SDK1: variants seen among roughly 807,000 people sequenced by gnomAD.
The protein encoded by SDK1 is sidekick cell adhesion molecule 1.
In SDK1, 157 loss-of-function variants were observed where a neutral mutation model predicts 245.5. The observed-to-expected ratio is 0.64, with a 90% CI of 0.56 to 0.73. The LOEUF (loss-of-function observed/expected upper bound fraction) is 0.73. SDK1 is among the 30% of genes least tolerant of loss of function. SDK1 has a pLI of 0.00. For synonymous variants in SDK1, 1,647 were observed against 1,278.5 expected, an observed-to-expected ratio of 1.29 and a Z score of -6.15; for missense variants, 3,583 against 3,002.3, an observed-to-expected ratio of 1.19 and a Z score of -4.52.
At chr7:3,814,905 C>G (rs1248942979) in intron 4 of SDK1, among the ~76,000 whole-genome samples, 2 of 152,104 alleles carry the variant, frequency 1.3e-5, no homozygotes, top group African/African-American at 4.8e-5. Context: ...CATGATTTGG[C>G]TCTCTGTTTG....
chr7:4,031,603 G>C (rs190813447), intron 17 of SDK1, among the ~76,000 whole-genome samples: 1 of 149,488 alleles, frequency 6.7e-6, no homozygotes, highest in Admixed American at 6.6e-5. Context: ...AAGTGTACAT[G>C]TAATTATATG....
intron 1 of SDK1, among the ~76,000 whole-genome samples, chr7:3,419,190 C>G (rs1472363984): frequency 1.3e-5 from 2 of 152,218 alleles, no homozygotes; most frequent in Non-Finnish European, 2.9e-5. Context: ...TGTAAGGAAT[C>G]AGTCCTTTTA....
intron 43 of SDK1, among the ~76,000 whole-genome samples, chr7:4,244,807 C>T (rs541821121): frequency 2.5e-3 from 374 of 152,266 alleles, no homozygotes; most frequent in African/African-American, 5.9e-3. Context: ...TCCTTGTGGC[C>T]GCATGACTGA....
intron 1 of SDK1, among the ~76,000 whole-genome samples, chr7:3,545,353 A>C (rs1438668252): frequency 6.6e-6 from 1 of 152,142 alleles, no homozygotes; most frequent in African/African-American, 2.4e-5. Context: ...TTAATGGCTA[A>C]AGTGAGGCCA....
At chr7:3,473,601 C>G (rs1341255673) in intron 1 of SDK1, among the ~76,000 whole-genome samples, 1 of 152,150 alleles carries the variant, frequency 6.6e-6, no homozygotes, top group Non-Finnish European at 1.5e-5. Flanking sequence ...CCTTTTAAAT[C>G]TACTCCTTGC....
intron 22 of SDK1, among the ~76,000 whole-genome samples, chr7:4,087,505 C>G (rs1368093319): frequency 6.9e-6 from 1 of 144,136 alleles, no homozygotes; most frequent in Non-Finnish European, 1.5e-5. Flanking sequence ...ACACGCATTG[C>G]TTGACTTTCT....
chr7:3,559,978 C>T (rs148691923), intron 1 of SDK1, among the ~76,000 whole-genome samples: 4 of 152,286 alleles, frequency 2.6e-5, no homozygotes, highest in African/African-American at 7.2e-5. Flanking sequence ...AACATGGAAA[C>T]ACTTGTATTG....
chr7:3,570,245 G>T (rs1780065477), intron 1 of SDK1, among the ~76,000 whole-genome samples: 1 of 152,060 alleles, frequency 6.6e-6, no homozygotes, highest in Non-Finnish European at 1.5e-5. Context: ...GATGATTTGG[G>T]GATGAAACTG....
intron 1 of SDK1, among the ~76,000 whole-genome samples, chr7:3,584,350 C>G (rs1369674915): frequency 6.6e-6 from 1 of 152,120 alleles, no homozygotes; most frequent in South Asian, 2.1e-4. Context: ...TGTCTAGTTT[C>G]ACGTGAAACC....
chr7:4,209,976 A>G (rs376042742), intron 37 of SDK1, 49 bp from the exon 38 acceptor site: 8 of 1,463,686 alleles, frequency 5.5e-6, no homozygotes, highest in Non-Finnish European at 6.3e-6. Flanking sequence ...TATGTATATG[A>G]TCTATGTAGG....
chr7:3,931,944 G>C (rs565331494), intron 5 of SDK1, among the ~76,000 whole-genome samples: 1 of 152,146 alleles, frequency 6.6e-6, no homozygotes, highest in African/African-American at 2.4e-5. Flanking sequence ...ATTCATGCTG[G>C]GCATCACCCT....
chr7:3,887,925 C>G (rs1013279862), intron 5 of SDK1, among the ~76,000 whole-genome samples: 1 of 152,158 alleles, frequency 6.6e-6, no homozygotes, highest in East Asian at 1.9e-4. Context: ...AATTTTTATT[C>G]AAATGTGTTG....
At chr7:4,135,507 G>A (rs957630467) in intron 28 of SDK1, among the ~76,000 whole-genome samples, 8 of 152,270 alleles carry the variant, frequency 5.3e-5, no homozygotes, top group African/African-American at 1.9e-4. Flanking sequence ...GCACAAGTCA[G>A]ATGGCACGAA....
intron 4 of SDK1, among the ~76,000 whole-genome samples, chr7:3,648,035 T>A (rs1339051719): frequency 6.6e-6 from 1 of 152,224 alleles, no homozygotes; most frequent in Non-Finnish European, 1.5e-5. Context: ...GAAAACCCCA[T>A]ACATTTATTT....
At chr7:4,056,122 T>TGGA in intron 19 of SDK1, among the ~76,000 whole-genome samples, 6 of 152,118 alleles carry the variant, frequency 3.9e-5, no homozygotes, top group Non-Finnish European at 1.5e-5. Flanking sequence ...TTGTAAATTT[T>TGGA]ATGTCTCAGA....
At chr7:3,447,336 A>G (rs1780369788) in intron 1 of SDK1, among the ~76,000 whole-genome samples, 1 of 152,164 alleles carries the variant, frequency 6.6e-6, no homozygotes, top group African/African-American at 2.4e-5. Flanking sequence ...TCTCTTCTCA[A>G]ATAATGTGAT....
At chr7:3,570,955 A>G (rs888826290) in intron 1 of SDK1, among the ~76,000 whole-genome samples, 1 of 152,084 alleles carries the variant, frequency 6.6e-6, no homozygotes, top group Non-Finnish European at 1.5e-5. Context: ...TTCTGTCAGA[A>G]TATGAACTGA....
At chr7:3,923,593 G>A (rs1343959444) in intron 5 of SDK1, among the ~76,000 whole-genome samples, 1 of 152,330 alleles carries the variant, frequency 6.6e-6, no homozygotes, top group South Asian at 2.1e-4. Context: ...CTCTGGTATG[G>A]GGCCTGGGAA....
At position 3,829,909 on chromosome 7, in the gene SDK1, G is replaced by A. The variant is rs567309647; in HGVS notation, c.847+8326G>A. ...ACGTTTGGGCGGACAGCAAACACAG[G>A]TTTGGCTCAAGGGTGCAGTGGGAGA... On this transcript the variant is annotated intron_variant, in intron 5 of 44. Coordinates refer to ENST00000404826, the MANE Select transcript of SDK1 (RefSeq NM_152744.4). 4.6e-5 allele frequency among the ~76,000 whole-genome samples: 7 copies of A among 152,310 alleles called. No individual in the cohort carries two copies. In the South Asian group the frequency reaches 1.4e-3, roughly 32 times the overall value.
Sources: gnomAD v4.1 joint callset for allele counts (sites outside exome capture counted in the v4.1 genomes callset) on GRCh38, gnomAD v4.1.1 for gene constraint, MANE v1.5 for transcripts, NCBI Gene and HGNC (gene_info 2026-07-23, HGNC 2026-07-21) for gene names.